Variants in MPRIP observed in about 807,000 individuals in gnomAD.
The protein encoded by MPRIP is myosin phosphatase Rho interacting protein.
Under a neutral mutation model 234.9 loss-of-function variants are expected in MPRIP, and 59 were observed. The ratio of observed to expected loss-of-function variants is 0.25; its 90% CI spans 0.20 to 0.31. The LOEUF (loss-of-function observed/expected upper bound fraction) is 0.31, where lower values mean the gene tolerates loss of function less well. Ranked by LOEUF, MPRIP falls within the 10% of genes least tolerant of loss-of-function variation. The probability of loss-of-function intolerance (pLI) is 1.00; values close to 1 mark genes in which losing one functional copy is unlikely to be tolerated. For missense variants in MPRIP, 2,436 were observed against 3,071.0 expected (o/e 0.79, Z 4.89); for synonymous variants, 1,144 against 1,263.9 (o/e 0.91, Z 2.01).
chr17:17,058,943 C>G (rs2088789301), intron 1 of MPRIP, among the ~76,000 whole-genome samples: 1 of 152,112 alleles, frequency 6.6e-6, no homozygotes, highest in South Asian at 2.1e-4. Flanking sequence ...GTGGCTAGGT[C>G]AGCAGTTCTC....
chr17:17,172,455 C>CA (rs923997119), intron 17 of MPRIP, among the ~76,000 whole-genome samples: 25 of 151,004 alleles, frequency 1.7e-4, no homozygotes, highest in African/African-American at 3.6e-4. Context: ...CTTCTAACAC[C>CA]AAAAAAAAAG....
chr17:17,104,522 C>A (rs1391391066), intron 3 of MPRIP, among the ~76,000 whole-genome samples: 1 of 152,190 alleles, frequency 6.6e-6, no homozygotes, highest in African/African-American at 2.4e-5. Flanking sequence ...CCCGACCAGT[C>A]CACGGCTGTG....
intron 19 of MPRIP, among the ~76,000 whole-genome samples, 177 bp downstream of exon 19, chr17:17,174,252 G>A (rs987016198): frequency 6.6e-5 from 10 of 152,242 alleles, no homozygotes; most frequent in Non-Finnish European, 1.5e-4. Context: ...CACCCAGCGT[G>A]GCCATCTGTG....
chr17:17,141,215 G>T (rs1416132499), intron 7 of MPRIP, among the ~76,000 whole-genome samples: 1 of 152,186 alleles, frequency 6.6e-6, no homozygotes, highest in Non-Finnish European at 1.5e-5. Context: ...CCTCATCCTG[G>T]AAGTGGCCTG....
chr17:17,146,509 A>G (rs1207219701), intron 10 of MPRIP, among the ~76,000 whole-genome samples: 5 of 152,226 alleles, frequency 3.3e-5, no homozygotes, highest in African/African-American at 1.2e-4. Flanking sequence ...CTAGCACTGC[A>G]AGACTCTCAT....
At chr17:17,124,964 G>A (rs1011159583) in intron 3 of MPRIP, among the ~76,000 whole-genome samples, 1 of 152,218 alleles carries the variant, frequency 6.6e-6, no homozygotes, top group Non-Finnish European at 1.5e-5. Context: ...ATAGCACTCA[G>A]TGTGGGTCTC....
chr17:17,143,695 G>C, intron 9 of MPRIP, 26 bp downstream of exon 9: 1 of 1,488,174 alleles, frequency 6.7e-7, no homozygotes. Context: ...GCGTCCTCCG[G>C]AGGCCGTGCT....
Position 17,153,226 on chromosome 17 carries a change from C to T in MPRIP, c.1720-1080C>T, listed in dbSNP as rs143586445. ...GGTCCCTCCCAGCTGTGCTTTGTGG[C>T]ACGTCAGGCCGGTGCGTGATCTCCT... On this transcript the variant is annotated intron_variant, in intron 12 of 23. Coordinates refer to ENST00000651222, the MANE Select transcript of MPRIP (RefSeq NM_001364716.4). Among the ~76,000 whole-genome samples, 72 of 152,266 alleles carry T rather than the reference C, an allele frequency of 4.7e-4. No individual in the cohort carries two copies. In the East Asian group the frequency reaches 0.013, roughly 27 times the overall value.
At position 17,173,961 on chromosome 17, in the gene MPRIP, G is replaced by T. The variant is rs1319498991; in HGVS notation, c.6636G>T (p.Glu2212Asp). The change falls in exon 19 of 24, where the codon GAG (glutamate) becomes GAT (aspartate). Residue 2212 changes from glutamate (E) to aspartate (D), a missense_variant. This residue lies in a region of MPRIP where 1,998 missense variants were observed against 2,520.3 expected (regional missense o/e 0.79). Coordinates refer to ENST00000651222, the MANE Select transcript of MPRIP (RefSeq NM_001364716.4). ...AGCGGGAACTGGAGGTCCTCTCGGA[G>T]CAGTACTCGCAGAAGTGCCTGGAGA... ...SVQRELEVLSEQYSQKCLENA... is the reference protein window; with the variant it reads ...SVQRELEVLSDQYSQKCLENA... 6.2e-7 allele frequency: 1 copy of T among 1,613,578 alleles called. No homozygotes were observed. The highest frequency in any genetic ancestry group is 8.5e-7 in the Non-Finnish European group (1 of 1,180,024).
In MPRIP at chr17:17,106,573, C is replaced by A. The variant is rs191194473; in HGVS notation, c.268-20129C>A. 3.2e-4 allele frequency among the ~76,000 whole-genome samples: 49 copies of A among 152,302 alleles called. No homozygotes were observed. In the East Asian group the frequency reaches 6.2e-3, roughly 19 times the overall value. On this transcript the variant is annotated intron_variant, in intron 3 of 23. Coordinates refer to ENST00000651222, the MANE Select transcript of MPRIP (RefSeq NM_001364716.4). ...TCCTCTCCTCCTTCCAGAACCGGAT[C>A]TTCCTGAGTCCCTCAGTGGCTTTGA...
At chr17:17,051,131 C>T (rs145667782) in intron 1 of MPRIP, among the ~76,000 whole-genome samples, 93 of 152,308 alleles carry the variant, frequency 6.1e-4, no homozygotes, top group Admixed American at 1.0e-3. Context: ...CTGAGCCCCC[C>T]ATGTGGTGAG....
intron 1 of MPRIP, among the ~76,000 whole-genome samples, chr17:17,045,190 A>C (rs977652238): frequency 6.6e-6 from 1 of 151,864 alleles, no homozygotes; most frequent in African/African-American, 2.4e-5. Context: ...CATCGAGGCC[A>C]CTCCCTCCTT....
intron 23 of MPRIP, chr17:17,180,528 AGGGC>A: frequency 7.7e-7 from 1 of 1,299,706 alleles, no homozygotes; most frequent in Non-Finnish European, 1.1e-6. Flanking sequence ...CATGCACAGG[AGGGC>A]GGGCGGAGGT....
At chr17:17,088,923 G>A (rs1319785560) in intron 3 of MPRIP, among the ~76,000 whole-genome samples, 1 of 152,212 alleles carries the variant, frequency 6.6e-6, no homozygotes, top group East Asian at 1.9e-4. Flanking sequence ...AGTTGCACTG[G>A]TGGGATCTCA....
At chr17:17,135,284 C>T (rs34961415) in intron 5 of MPRIP, among the ~76,000 whole-genome samples, 12,437 of 66,844 alleles carry the variant, frequency 0.19, 717 homozygotes, top group East Asian at 0.53. Context: ...ACTTCTCCCT[C>T]GGAGCTACCA....
intron 3 of MPRIP, among the ~76,000 whole-genome samples, chr17:17,081,012 G>A (rs1209179263): frequency 1.3e-5 from 2 of 152,182 alleles, no homozygotes; most frequent in Non-Finnish European, 2.9e-5. Context: ...CCCTCAGACC[G>A]TGATGTTGCA....
Position 17,164,604 on chromosome 17 carries a change from G to T in MPRIP, c.3013G>T (p.Gly1005Cys), listed in dbSNP as rs1259870104. 8.2e-7 allele frequency: 1 copy of T among 1,213,796 alleles called. No individual in the cohort carries two copies. The highest frequency in any genetic ancestry group is 3.5e-5 in the Admixed American group (1 of 28,186). 75.2% of individuals were successfully genotyped at this position (1,213,796 alleles called of 1,614,324 possible). Reference sequence around the variant, plus strand: ...CATTGCCGACCTCAGCCAGCAACTGGGCGCCAGTGAGCAGGCGCAGCGGCT... The same window carrying T: ...CATTGCCGACCTCAGCCAGCAACTGTGCGCCAGTGAGCAGGCGCAGCGGCT... The part of the protein sequence containing the change: ...ERIADLSQQL[G>C]ASEQAQRLME... Residue 1005 changes from glycine (G) to cysteine (C), a missense_variant, in exon 16 of 24, where the codon GGC becomes TGC. Around this residue, in one of 4 missense-constraint regions of MPRIP, gnomAD observed 1,998 missense variants for 2,520.3 expected, o/e 0.79. Transcript: ENST00000651222.
intron 3 of MPRIP, among the ~76,000 whole-genome samples, chr17:17,088,795 G>A (rs1288866549): frequency 6.6e-6 from 1 of 151,172 alleles, no homozygotes; most frequent in Non-Finnish European, 1.5e-5. Context: ...AGGCAATGTA[G>A]TATGTTAGTG....
chr17:17,109,080 C>T (rs1786477967), intron 3 of MPRIP, among the ~76,000 whole-genome samples: 1 of 152,258 alleles, frequency 6.6e-6, no homozygotes, highest in Admixed American at 6.5e-5. Context: ...CCTCTCCTTA[C>T]CCTCGCCACT....
Sources: allele counts gnomAD v4.1 joint callset (sites outside exome capture counted in the v4.1 genomes callset), GRCh38; gene constraint gnomAD v4.1.1; regional missense constraint gnomAD v4.1.1; transcripts MANE v1.5; gene names NCBI Gene and HGNC (gene_info 2026-07-23, HGNC 2026-07-21).